Variants in TECRL observed in about 807,000 individuals in gnomAD.
TECRL encodes trans-2,3-enoyl-CoA reductase-like.
In TECRL, 63 loss-of-function variants were observed where a neutral mutation model predicts 52.8. That is an observed-to-expected ratio of 1.19 (90% CI 0.97 to 1.47). The LOEUF (loss-of-function observed/expected upper bound fraction) is 1.47, where lower values mean the gene tolerates loss of function less well. Ranked by LOEUF, TECRL falls within the 40% of genes most tolerant of loss-of-function variation. TECRL has a pLI of 0.00. For synonymous variants in TECRL, 164 were observed against 141.9 expected (o/e 1.16, Z -1.10); for missense variants, 482 against 429.6 (o/e 1.12, Z -1.08).
chr4:64,323,139 T>C (rs892014950), intron 3 of TECRL, among the ~76,000 whole-genome samples: 9 of 151,926 alleles, frequency 5.9e-5, no homozygotes. Context: ...AAGGCTCACA[T>C]CTGTAATCTC....
chr4:64,328,598 A>G, intron 2 of TECRL, 42 bp from the exon 3 acceptor site: 1 of 1,548,926 alleles, frequency 6.5e-7, no homozygotes, highest in Non-Finnish European at 8.9e-7. Flanking sequence ...GAAAAAGTGT[A>G]ACTATAGCTT....
At chr4:64,349,207 A>G (rs1466691710) in intron 2 of TECRL, among the ~76,000 whole-genome samples, 1 of 125,126 alleles carries the variant, frequency 8.0e-6, no homozygotes, top group East Asian at 2.4e-4. Context: ...ATATCGGCTC[A>G]CCACAACCTC....
At chr4:64,338,635 T>C (rs1043419691) in intron 2 of TECRL, among the ~76,000 whole-genome samples, 13 of 152,038 alleles carry the variant, frequency 8.6e-5, no homozygotes, top group Admixed American at 3.3e-4. Flanking sequence ...TATGAACAGA[T>C]ACTTCTCAAA....
At chr4:64,329,010 A>C (rs1001397220) in intron 2 of TECRL, among the ~76,000 whole-genome samples, 3 of 152,014 alleles carry the variant, frequency 2.0e-5, no homozygotes, top group Admixed American at 1.3e-4. Flanking sequence ...GATGTCTATC[A>C]GAATTATATG....
chr4:64,366,598 A>G (rs1182238703), intron 2 of TECRL, among the ~76,000 whole-genome samples: 1 of 152,056 alleles, frequency 6.6e-6, no homozygotes, highest in Non-Finnish European at 1.5e-5. Flanking sequence ...TAAAAATGGG[A>G]AAATAACGTT....
At position 64,409,405 on chromosome 4, in the gene TECRL, G is replaced by A; in HGVS notation, c.-54C>T. On this transcript the variant is annotated 5_prime_UTR_variant, in exon 1 of 12. Transcript: ENST00000381210. ...GTCAAAAGTAGAAAATTGCAAGTGT[G>A]TTCCTTTTGCATCAGTTAAATACTG... 1.3e-6 allele frequency: 2 copies of A among 1,586,574 alleles called. No individual in the cohort carries two copies. Among genetic ancestry groups the A allele is most frequent in the East Asian group, 2.2e-5 (1 of 44,546 alleles).
intron 1 of TECRL, among the ~76,000 whole-genome samples, chr4:64,389,965 T>C (rs1485902147): frequency 1.3e-5 from 2 of 151,868 alleles, no homozygotes; most frequent in Non-Finnish European, 2.9e-5. Flanking sequence ...AAGAAGTATG[T>C]CCATGTTAAG....
chr4:64,391,571 G>A (rs1258088588), intron 1 of TECRL, among the ~76,000 whole-genome samples: 2 of 151,740 alleles, frequency 1.3e-5, no homozygotes, highest in Admixed American at 1.3e-4. Context: ...AATTATCTAA[G>A]AAATCTCATC....
chr4:64,357,775 A>G (rs1560526218), intron 2 of TECRL, among the ~76,000 whole-genome samples: 1 of 151,584 alleles, frequency 6.6e-6, no homozygotes, highest in Non-Finnish European at 1.5e-5. Flanking sequence ...TACAAAACCC[A>G]AAATATAAAA....
At chr4:64,303,577 G>A (rs187910984) in intron 7 of TECRL, among the ~76,000 whole-genome samples, 1 of 151,802 alleles carries the variant, frequency 6.6e-6, no homozygotes, top group East Asian at 1.9e-4. Flanking sequence ...ATTTTCTAAA[G>A]TTTAGATATT....
intron 9 of TECRL, among the ~76,000 whole-genome samples, chr4:64,286,396 G>A (rs1008922459): frequency 6.6e-6 from 1 of 151,738 alleles, no homozygotes; most frequent in East Asian, 1.9e-4. Flanking sequence ...GCCAAAAAAG[G>A]GACAAAGATA....
intron 2 of TECRL, among the ~76,000 whole-genome samples, chr4:64,348,241 T>C (rs1450499372): frequency 1.3e-5 from 2 of 152,144 alleles, no homozygotes; most frequent in East Asian, 3.9e-4. Context: ...AAGGACCTTC[T>C]TCACAAGGTG....
intron 6 of TECRL, 106 bp from the exon 7 acceptor site, chr4:64,305,344 C>T: frequency 1.1e-6 from 1 of 913,028 alleles, no homozygotes; most frequent in East Asian, 2.6e-5. Context: ...GAAACCACCA[C>T]ATACATTTAT....
intron 1 of TECRL, among the ~76,000 whole-genome samples, chr4:64,407,237 T>C (rs1347235192): frequency 6.6e-6 from 1 of 152,072 alleles, no homozygotes; most frequent in Non-Finnish European, 1.5e-5. Context: ...GCTAAGTTTC[T>C]ATAAAGATCT....
chr4:64,399,443 CT>C (rs1724191470), intron 1 of TECRL, among the ~76,000 whole-genome samples: 1 of 152,082 alleles, frequency 6.6e-6, no homozygotes, highest in African/African-American at 2.4e-5. Context: ...CAACCACTTG[CT>C]AGAGAAATTT....
chr4:64,336,879 G>A (rs1719128948), intron 2 of TECRL, among the ~76,000 whole-genome samples: 1 of 152,158 alleles, frequency 6.6e-6, no homozygotes, highest in Admixed American at 6.5e-5. Context: ...GAGACAGTTT[G>A]TTATAATTTC....
In TECRL at chr4:64,279,757, T is replaced by A. The variant is rs1324649050; in HGVS notation, c.*315A>T. ...CGCTTTTTCATTTGTTAATCAGATT[T>A]TTTTTTTTGCTGTGGTATTTTGTCT... On this transcript the variant is annotated 3_prime_UTR_variant, in exon 12 of 12. Coordinates refer to ENST00000381210, the MANE Select transcript of TECRL (RefSeq NM_001010874.5). The A allele has an allele frequency of 1.1e-5, 11 of 982,916 alleles. No individual in the cohort carries two copies. The East Asian group carries it at 3.3e-4, about 30-fold the overall frequency. 60.9% of individuals were successfully genotyped at this position (982,916 alleles called of 1,614,324 possible).
chr4:64,296,575 GAA>G (rs1723696663), intron 8 of TECRL, among the ~76,000 whole-genome samples: 1 of 151,716 alleles, frequency 6.6e-6, no homozygotes, highest in Non-Finnish European at 1.5e-5. Context: ...AGAAAGGCTA[GAA>G]AAAGAGTTCC....
chr4:64,374,736 T>C (rs1016034973), intron 2 of TECRL, among the ~76,000 whole-genome samples: 1 of 152,140 alleles, frequency 6.6e-6, no homozygotes, highest in African/African-American at 2.4e-5. Context: ...ACAAAGGACA[T>C]GAACTCATCC....
Sources: gnomAD v4.1 joint callset for allele counts (sites outside exome capture counted in the v4.1 genomes callset) on GRCh38, gnomAD v4.1.1 for gene constraint, MANE v1.5 for transcripts, NCBI Gene and HGNC (gene_info 2026-07-23, HGNC 2026-07-21) for gene names.